NMNAT2: variants seen among roughly 807,000 people sequenced by gnomAD.
NMNAT2 encodes the protein nicotinamide nucleotide adenylyltransferase 2.
NMNAT2 carries 11 observed loss-of-function variants against 41.6 expected under a neutral mutation model. The ratio of observed to expected loss-of-function variants is 0.26; its 90% CI spans 0.17 to 0.44. The LOEUF is 0.44. Among genes scored for constraint, NMNAT2 ranks in the 20% least tolerant of loss-of-function variants. The pLI is 1.00. For synonymous variants in NMNAT2, 148 were observed against 151.2 expected, an observed-to-expected ratio of 0.98 and a Z score of 0.16; for missense variants, 288 against 407.7, an observed-to-expected ratio of 0.71 and a Z score of 2.53.
At chr1:183,286,877 T>G in intron 4 of NMNAT2, 89 bp from the exon 5 acceptor site, 1 of 1,410,256 alleles carries the variant, frequency 7.1e-7, no homozygotes. Context: ...TTGTCCATCA[T>G]GGAGAGGCCA....
At chr1:183,286,614 C>T (rs1013715452) in intron 5 of NMNAT2, 48 bp downstream of exon 5, 3 of 1,526,274 alleles carry the variant, frequency 2.0e-6, no homozygotes, top group Non-Finnish European at 8.9e-7. Flanking sequence ...TTAACAAGCC[C>T]TCCACATGAT....
At chr1:183,394,993 G>GC (rs2101923427) in intron 1 of NMNAT2, among the ~76,000 whole-genome samples, 1 of 152,190 alleles carries the variant, frequency 6.6e-6, no homozygotes, top group African/African-American at 2.4e-5. Context: ...ACCCTTCTTT[G>GC]CCGTTCAGCC....
Position 183,260,990 on chromosome 1 carries a change from T to G in NMNAT2, c.821+12A>C. The G allele has an allele frequency of 1.2e-6, 2 of 1,606,216 alleles. No homozygotes were observed. Among genetic ancestry groups the G allele is most frequent in the Non-Finnish European group, 1.7e-6 (2 of 1,172,760 alleles). ...TTTGACTAAAGTCTCTCTGGCCATT[T>G]GTCAAACATACCTGCTCTTGGTTGA... On this transcript the variant is annotated intron_variant, in intron 10 of 10. Coordinates refer to ENST00000287713, the MANE Select transcript of NMNAT2 (RefSeq NM_015039.4).
chr1:183,304,550 G>A, intron 1 of NMNAT2: 5 of 886,822 alleles, frequency 5.6e-6, no homozygotes, highest in Non-Finnish European at 9.0e-6. Flanking sequence ...GGCATGCACA[G>A]AGCAGCCCTG....
chr1:183,378,362 C>G (rs564451861), intron 1 of NMNAT2, among the ~76,000 whole-genome samples: 21 of 151,596 alleles, frequency 1.4e-4, no homozygotes, highest in Non-Finnish European at 2.2e-4. Flanking sequence ...TTATTGCACT[C>G]CAGCCTGGGC....
At chr1:183,411,522 T>C (rs1649116518) in intron 1 of NMNAT2, among the ~76,000 whole-genome samples, 1 of 152,122 alleles carries the variant, frequency 6.6e-6, no homozygotes, top group Non-Finnish European at 1.5e-5. Context: ...CAGACTGCTC[T>C]GAAACTCCTG....
At chr1:183,368,584 G>A (rs902590247) in intron 1 of NMNAT2, among the ~76,000 whole-genome samples, 11 of 152,214 alleles carry the variant, frequency 7.2e-5, no homozygotes, top group Admixed American at 1.3e-4. Flanking sequence ...TTGACCGTGT[G>A]TGTCTGTCTT....
chr1:183,360,166 C>G (rs991405158), intron 1 of NMNAT2, among the ~76,000 whole-genome samples: 2 of 152,116 alleles, frequency 1.3e-5, no homozygotes, highest in Non-Finnish European at 2.9e-5. Flanking sequence ...CTCTCAGAAG[C>G]CTTGCAATCC....
chr1:183,331,740 G>C lies in NMNAT2; in HGVS notation c.86-37947C>G, dbSNP rs188873026. The stretch of plus-strand genomic sequence containing the variant: ...GAACACAGCCCACCCCCACCACCCA[G>C]GCTACCCCATAGCCAGCCGCACGCC... On this transcript the variant is annotated intron_variant, in intron 1 of 10. Coordinates refer to ENST00000287713, the MANE Select transcript of NMNAT2 (RefSeq NM_015039.4). Among the ~76,000 whole-genome samples, 5 of 152,054 alleles carry C rather than the reference G, an allele frequency of 3.3e-5. No individual in the cohort carries two copies. In the East Asian group the frequency reaches 9.7e-4, roughly 29 times the overall value.
chr1:183,336,230 CAA>C (rs1662675119), intron 1 of NMNAT2, among the ~76,000 whole-genome samples: 1 of 152,012 alleles, frequency 6.6e-6, no homozygotes, highest in Admixed American at 6.5e-5. Context: ...AACAAAAAGA[CAA>C]ACAAGGCAAT....
At chr1:183,257,972 G>C (rs553144345) in intron 10 of NMNAT2, among the ~76,000 whole-genome samples, 1 of 152,102 alleles carries the variant, frequency 6.6e-6, no homozygotes, top group East Asian at 1.9e-4. Flanking sequence ...GTTTTAATGG[G>C]AGCAATTATT....
intron 1 of NMNAT2, among the ~76,000 whole-genome samples, chr1:183,303,895 A>C (rs534941389): frequency 6.6e-6 from 1 of 152,352 alleles, no homozygotes; most frequent in South Asian, 2.1e-4. Flanking sequence ...TCCTCTCCAC[A>C]GGGAGCAATT....
At position 183,293,707 on chromosome 1, in the gene NMNAT2, GT is replaced by G; in HGVS notation, c.171del (p.Lys57AsnfsTer50). On this transcript the variant is annotated frameshift_variant, in exon 2 of 11. Transcript: ENST00000287713. LOFTEE classifies it high-confidence loss of function. ...GAGGGGCACAGGAAGGAACCCACCT[GT>G]TTTCCATAGGAGTCGTGGACAGGGG... is the stretch of plus-strand genomic sequence containing the variant. The part of the protein sequence containing the change: ...IVSPVHDSYG[K>X]QGLVSSRHRL... 1 of 1,612,432 alleles carries G rather than the reference GT, an allele frequency of 6.2e-7. No homozygotes were observed. The highest frequency in any genetic ancestry group is 8.5e-7 in the Non-Finnish European group (1 of 1,178,414).
Position 183,249,682 on chromosome 1 carries a change from C to T in NMNAT2, c.*2959G>A, listed in dbSNP as rs202158783. ...TTCCCCTAGCAAATGAAGAGTAGGG[C>T]GTGTGTGTGTGTGTGTGTGTGTGTG... is the stretch of plus-strand genomic sequence containing the variant. On this transcript the variant is annotated 3_prime_UTR_variant, in exon 11 of 11. Coordinates refer to ENST00000287713, the MANE Select transcript of NMNAT2 (RefSeq NM_015039.4). 26 of 119,584 alleles carry T rather than the reference C, an allele frequency of 2.2e-4. No homozygotes were observed. The highest frequency in any genetic ancestry group is 5.1e-4 in the Admixed American group (6 of 11,812). The allele number at this position is 119,584 out of a possible 1,614,324, so 7.4% of individuals were successfully genotyped here.
chr1:183,331,330 T>C (rs1040092100), intron 1 of NMNAT2, among the ~76,000 whole-genome samples: 1 of 152,068 alleles, frequency 6.6e-6, no homozygotes, highest in South Asian at 2.1e-4. Context: ...AGCTGGGGAC[T>C]TGAGGAGGAG....
At chr1:183,254,202 C>CA (rs1326423314) in intron 10 of NMNAT2, among the ~76,000 whole-genome samples, 1 of 152,104 alleles carries the variant, frequency 6.6e-6, no homozygotes, top group Non-Finnish European at 1.5e-5. Flanking sequence ...ACATTCCCAC[C>CA]AACAGTGTAC....
intron 7 of NMNAT2, among the ~76,000 whole-genome samples, chr1:183,281,657 G>A (rs1433383183): frequency 6.6e-6 from 1 of 152,202 alleles, no homozygotes; most frequent in East Asian, 1.9e-4. Context: ...GCCACTGGAG[G>A]GCAGCAGTGA....
At chr1:183,374,302 CT>C (rs1298276798) in intron 1 of NMNAT2, among the ~76,000 whole-genome samples, 1 of 152,162 alleles carries the variant, frequency 6.6e-6, no homozygotes, top group Admixed American at 6.5e-5. Context: ...TTGCACCCCC[CT>C]GGCTCTGGGC....
chr1:183,367,051 C>T (rs977544628), intron 1 of NMNAT2, among the ~76,000 whole-genome samples: 7 of 152,140 alleles, frequency 4.6e-5, no homozygotes, highest in African/African-American at 4.8e-5. Flanking sequence ...TGAAAATCTC[C>T]GTCCCTGACT....
Sources: allele counts gnomAD v4.1 joint callset (sites outside exome capture counted in the v4.1 genomes callset), GRCh38; gene constraint gnomAD v4.1.1; transcripts MANE v1.5; gene names NCBI Gene and HGNC (gene_info 2026-07-23, HGNC 2026-07-21).